Variants in CHST11 observed in about 807,000 individuals in gnomAD.
CHST11 encodes C4S-1.
Under a neutral mutation model 30.4 loss-of-function variants are expected in CHST11, and 9 were observed. The observed-to-expected ratio is 0.30, with a 90% CI of 0.18 to 0.52. CHST11 has a LOEUF of 0.52. Among genes scored for constraint, CHST11 ranks in the 20% least tolerant of loss-of-function variants. The pLI, the probability that CHST11 is intolerant of heterozygous loss-of-function variation, is 0.97. For synonymous variants in CHST11, 152 were observed against 187.8 expected (o/e 0.81, Z 1.56); for missense variants, 348 against 460.6 (o/e 0.76, Z 2.24).
At chr12:104,626,137 C>T (rs1453904566) in intron 2 of CHST11, among the ~76,000 whole-genome samples, 1 of 152,188 alleles carries the variant, frequency 6.6e-6, no homozygotes, top group Non-Finnish European at 1.5e-5. Flanking sequence ...GTGAAAGACA[C>T]AGGCTCTTTA....
intron 2 of CHST11, among the ~76,000 whole-genome samples, chr12:104,621,024 C>G (rs35904073): frequency 0.077 from 11,673 of 152,256 alleles, 1,023 homozygotes; most frequent in African/African-American, 0.21. Context: ...AGAGTGTAGT[C>G]TTTCTTGAGC....
At chr12:104,633,324 A>G (rs1045545903) in intron 2 of CHST11, among the ~76,000 whole-genome samples, 2 of 151,950 alleles carry the variant, frequency 1.3e-5, no homozygotes, top group African/African-American at 2.4e-5. Context: ...CTATGAATAT[A>G]TATGATCAAA....
intron 1 of CHST11, among the ~76,000 whole-genome samples, chr12:104,493,378 A>G (rs933810198): frequency 6.6e-6 from 1 of 152,170 alleles, no homozygotes; most frequent in Admixed American, 6.5e-5. Flanking sequence ...TGGGCTACTT[A>G]ATTTGCTCTT....
chr12:104,486,304 A>ATT (rs5800622), intron 1 of CHST11, among the ~76,000 whole-genome samples: 1 of 147,118 alleles, frequency 6.8e-6, no homozygotes, highest in Non-Finnish European at 1.5e-5. Flanking sequence ...AGTCAGTGTG[A>ATT]TTTTTTTTTT....
chr12:104,499,479 T>C (rs1397284478), intron 1 of CHST11, among the ~76,000 whole-genome samples: 1 of 152,286 alleles, frequency 6.6e-6, no homozygotes, highest in East Asian at 1.9e-4. Context: ...CCATTAACTT[T>C]ATGTAGTTCT....
intron 1 of CHST11, among the ~76,000 whole-genome samples, chr12:104,490,487 A>G (rs1001643187): frequency 3.3e-5 from 5 of 152,238 alleles, no homozygotes; most frequent in African/African-American, 1.2e-4. Context: ...GTTGTAGGCA[A>G]TGTGAGTTTA....
intron 1 of CHST11, among the ~76,000 whole-genome samples, chr12:104,517,485 C>A (rs1415763751): frequency 6.6e-6 from 1 of 152,202 alleles, no homozygotes; most frequent in Non-Finnish European, 1.5e-5. Flanking sequence ...TACACCAGAG[C>A]TTCTCACACT....
chr12:104,748,596 G>GCTT (rs372657285), intron 2 of CHST11, among the ~76,000 whole-genome samples: 1 of 151,980 alleles, frequency 6.6e-6, no homozygotes, highest in African/African-American at 2.4e-5. Context: ...AGTGGAGTCG[G>GCTT]GGGAGAGATG....
At chr12:104,754,706 G>A (rs1197489817) in intron 2 of CHST11, among the ~76,000 whole-genome samples, 1 of 152,152 alleles carries the variant, frequency 6.6e-6, no homozygotes, top group Non-Finnish European at 1.5e-5. Flanking sequence ...AATGCACATC[G>A]GGGGATACTA....
intron 2 of CHST11, among the ~76,000 whole-genome samples, chr12:104,695,584 G>T (rs1338711486): frequency 6.6e-6 from 1 of 152,194 alleles, no homozygotes; most frequent in African/African-American, 2.4e-5. Context: ...TGCAAGCGGG[G>T]AGCTTCCAGA....
At chr12:104,495,648 A>G (rs945417795) in intron 1 of CHST11, among the ~76,000 whole-genome samples, 3 of 152,250 alleles carry the variant, frequency 2.0e-5, no homozygotes, top group Non-Finnish European at 2.9e-5. Flanking sequence ...GTGCTTATTA[A>G]GTGTTCTAAG....
chr12:104,711,972 T>TGGAA (rs926019466), intron 2 of CHST11, among the ~76,000 whole-genome samples: 63 of 152,200 alleles, frequency 4.1e-4, no homozygotes, highest in African/African-American at 1.4e-3. Flanking sequence ...CACCTGATGT[T>TGGAA]GGAAGGAGAG....
At position 104,678,823 on chromosome 12, in the gene CHST11, T is replaced by C. The variant is rs147612281; in HGVS notation, c.204+76832T>C. 9.3e-3 allele frequency among the ~76,000 whole-genome samples: 1,414 copies of C among 152,224 alleles called. 21 individuals carry two copies. Among genetic ancestry groups the C allele is most frequent in the African/African-American group, 0.032 (1,333 of 41,498 alleles). On this transcript the variant is annotated intron_variant, in intron 2 of 2. Coordinates refer to ENST00000303694, the MANE Select transcript of CHST11 (RefSeq NM_018413.6). ...ACTGTGCGTCAGGCTCTCGGTTACG[T>C]TTGGAATTAAATACTCAAAACAGTC...
chr12:104,535,988 A>G (rs1038388302), intron 1 of CHST11, among the ~76,000 whole-genome samples: 2 of 152,220 alleles, frequency 1.3e-5, no homozygotes, highest in Admixed American at 6.5e-5. Flanking sequence ...GCTGTTTTCA[A>G]TGGTGCATCA....
rs1489115133 is a variant in CHST11 at position 104,706,112 on chromosome 12, AGTGGCTCACGCCTGTAATCC to A, written c.205-50836_205-50817del. ...AAAACAGATAGATATTGGTGGGTAC[AGTGGCTCACGCCTGTAATCC>A]CAGCACTTTGGGAGGCCGAGGCGGG... On this transcript the variant is annotated intron_variant, in intron 2 of 2. Coordinates refer to ENST00000303694, the MANE Select transcript of CHST11 (RefSeq NM_018413.6). Among the ~76,000 whole-genome samples the A allele has an allele frequency of 6.6e-5, 10 of 151,572 alleles. No individual in the cohort carries two copies. In the East Asian group the frequency reaches 2.0e-3, roughly 30 times the overall value.
rs2037583516 is a variant in CHST11 at position 104,478,213 on chromosome 12, G to A, written c.118+20684G>A. On this transcript the variant is annotated intron_variant, in intron 1 of 2. Transcript: ENST00000303694. ...CACACACAAACACACACGGCAGATGGAGCTTCCTGTGTAGTATTTCTGTTA... is the reference window on the plus strand; with the variant it reads ...CACACACAAACACACACGGCAGATGAAGCTTCCTGTGTAGTATTTCTGTTA... Among the ~76,000 whole-genome samples the A allele has an allele frequency of 2.0e-5, 3 of 152,164 alleles. No individual in the cohort carries two copies. The South Asian group carries it at 6.2e-4, about 32-fold the overall frequency.
intron 2 of CHST11, among the ~76,000 whole-genome samples, chr12:104,649,520 G>C (rs980550140): frequency 6.6e-6 from 1 of 152,164 alleles, no homozygotes; most frequent in Non-Finnish European, 1.5e-5. Context: ...TTAAACTCAG[G>C]TCTGTTTTAC....
At chr12:104,674,904 T>A (rs749660605) in intron 2 of CHST11, among the ~76,000 whole-genome samples, 3 of 152,214 alleles carry the variant, frequency 2.0e-5, no homozygotes, top group Non-Finnish European at 4.4e-5. Flanking sequence ...TTTCAGGGGT[T>A]AATAACATTT....
At chr12:104,573,245 G>A (rs1032817160) in intron 1 of CHST11, among the ~76,000 whole-genome samples, 3 of 152,064 alleles carry the variant, frequency 2.0e-5, no homozygotes, top group African/African-American at 7.2e-5. Flanking sequence ...CCATGCTCAT[G>A]GATAGGAAGA....
Sources: gnomAD v4.1 joint callset for allele counts (sites outside exome capture counted in the v4.1 genomes callset) on GRCh38, gnomAD v4.1.1 for gene constraint, MANE v1.5 for transcripts, NCBI Gene and HGNC (gene_info 2026-07-23, HGNC 2026-07-21) for gene names.